Variants in ALOX15 observed in about 807,000 individuals in gnomAD.
ALOX15 encodes the protein polyunsaturated fatty acid lipoxygenase ALOX15.
In ALOX15, 68 loss-of-function variants were observed where a neutral mutation model predicts 71.7. The observed-to-expected ratio is 0.95, with a 90% confidence interval of 0.78 to 1.16. The LOEUF (loss-of-function observed/expected upper bound fraction) is 1.16. ALOX15 is among the 50% of genes most tolerant of loss of function. The pLI, the probability that ALOX15 is intolerant of heterozygous loss-of-function variation, is 0.00. For synonymous variants in ALOX15, 346 were observed against 333.3 expected (o/e 1.04, Z -0.42); for missense variants, 798 against 818.8 (o/e 0.97, Z 0.31).
rs1169890333 is a variant in ALOX15, at chr17:4,635,788, A to G, written c.1132T>C (p.Cys378Arg). Residue 378 changes from cysteine (C) to arginine (R), a missense_variant, in exon 8 of 14, where the codon TGC becomes CGC. Cys to Arg is a radical substitution (Grantham distance 180, BLOSUM62 -3). This residue lies in a region of ALOX15 where 490 missense variants were observed against 509.4 expected (regional missense o/e 0.96). Coordinates refer to ENST00000293761, the MANE Select transcript of ALOX15 (RefSeq NM_001140.5). ...AAGATAGGATGTATCGACGGCAGGC[A>G]CCTCATGGTGGCCACAACAATGACC... is the stretch of plus-strand genomic sequence containing the variant. The part of the protein sequence containing the change: ...AEVIVVATMR[C>R]LPSIHPIFKL... 1 of 1,614,082 alleles carries G rather than the reference A, an allele frequency of 6.2e-7. No homozygotes were observed. Among genetic ancestry groups the G allele is most frequent in the African/African-American group, 1.3e-5 (1 of 74,940 alleles).
intron 2 of ALOX15, 90 bp from the exon 3 acceptor site, chr17:4,639,222 G>T: frequency 6.6e-7 from 1 of 1,521,154 alleles, no homozygotes; most frequent in Non-Finnish European, 9.1e-7. Context: ...CCGTCCTTCT[G>T]TGTGGCCTCT....
intron 8 of ALOX15, among the ~76,000 whole-genome samples, chr17:4,633,979 T>C (rs1911005421): frequency 1.3e-5 from 2 of 152,126 alleles, no homozygotes; most frequent in Admixed American, 6.5e-5. Context: ...GAGCTAAACA[T>C]TGAGTACACA....
chr17:4,633,810 G>A (rs1910999855), intron 8 of ALOX15, among the ~76,000 whole-genome samples: 1 of 152,180 alleles, frequency 6.6e-6, no homozygotes, highest in South Asian at 2.1e-4. Flanking sequence ...ACCAGGTAAA[G>A]AAAATGTGGT....
In ALOX15 at chr17:4,639,088, G is replaced by A. The variant is rs764322437; in HGVS notation, c.382C>T (p.Arg128Trp). The change falls in exon 3 of 14, where the codon CGG becomes TGG. Residue 128 changes from arginine to tryptophan, a missense_variant. Transcript: ENST00000293761. ...EDPQGLFQKH[R>W]EEELEERRKL... ...CTTCTCTCTTCCAGCTCTTCTTCCC[G>A]GTGTTTCTGGAACAGGCCCTGAGGG... 1.9e-6 allele frequency: 3 copies of A among 1,614,146 alleles called. No homozygotes were observed. The highest frequency in any genetic ancestry group is 2.2e-5 in the East Asian group (1 of 44,876).
intron 11 of ALOX15, 77 bp from the exon 12 acceptor site, chr17:4,632,358 G>A: frequency 2.5e-6 from 3 of 1,182,476 alleles, no homozygotes; most frequent in Non-Finnish European, 2.5e-6. Context: ...CAAGAGAGGA[G>A]AACAAGGGCG....
At chr17:4,632,317 CAGG>C in intron 11 of ALOX15, 36 bp from the exon 12 acceptor site, 2 of 1,568,528 alleles carry the variant, frequency 1.3e-6, no homozygotes, top group Non-Finnish European at 1.8e-6. Context: ...GCTGCGAAGG[CAGG>C]AGTAGGGCAG....
intron 7 of ALOX15, 102 bp from the exon 8 acceptor site, chr17:4,636,070 G>T: frequency 1.6e-6 from 2 of 1,272,290 alleles, no homozygotes; most frequent in Non-Finnish European, 2.2e-6. Flanking sequence ...CTCCAAACCT[G>T]TTCTGCTTTC....
chr17:4,641,456 G>A (rs1187611813), intron 1 of ALOX15, 61 bp downstream of exon 1: 9 of 1,571,700 alleles, frequency 5.7e-6, no homozygotes, highest in East Asian at 2.3e-5. Context: ...TGTCCTCCCC[G>A]GTATTTGACT....
At chr17:4,631,863 T>TAG in intron 13 of ALOX15, 26 bp downstream of exon 13, 1 of 1,607,696 alleles carries the variant, frequency 6.2e-7, no homozygotes, top group Non-Finnish European at 8.5e-7. Flanking sequence ...CCTCCTTCCT[T>TAG]AGGGCCCTGG....
rs985242160 is a variant in ALOX15, at chr17:4,641,523, CCGTG to C, written c.125_128del (p.Ala42GlyfsTer21). 3.8e-5 allele frequency: 61 copies of C among 1,612,876 alleles called. No individual in the cohort carries two copies. The highest frequency in any genetic ancestry group is 1.7e-4 in the Middle Eastern group (1 of 6,038). On this transcript the variant is annotated frameshift_variant, in exon 1 of 14. Transcript: ENST00000293761. LOFTEE classifies it high-confidence loss of function. ...CCGGCTCTGGGGAGCTCACCTTGCCCCGTGCGGGCCACAGTCGCTTCCCGAGCGC... is the reference window on the plus strand; with the variant it reads ...CCGGCTCTGGGGAGCTCACCTTGCCCCGGGCCACAGTCGCTTCCCGAGCGC...
chr17:4,641,066 C>G (rs1911308172), intron 1 of ALOX15, among the ~76,000 whole-genome samples: 2 of 149,850 alleles, frequency 1.3e-5, no homozygotes, highest in East Asian at 2.1e-4. Context: ...GGAGGTGGGT[C>G]GGGAAATCGA....
At chr17:4,639,974 A>ACCCCCCCCCCCCCCCC (rs56188609) in intron 1 of ALOX15, 2 of 111,884 alleles carry the variant, frequency 1.8e-5, no homozygotes, top group Non-Finnish European at 1.5e-5. Context: ...CCGCTGTGCG[A>ACCCCCCCCCCCCCCCC]CCCCCCACCC....
At chr17:4,639,970 T>C in intron 1 of ALOX15, 1 of 139,830 alleles carries the variant, frequency 7.2e-6, no homozygotes, top group Non-Finnish European at 1.2e-5. Flanking sequence ...ATTCCCGCTG[T>C]GCGACCCCCC....
At chr17:4,632,613 T>C (rs1910952147) in intron 11 of ALOX15, among the ~76,000 whole-genome samples, 1 of 152,146 alleles carries the variant, frequency 6.6e-6, no homozygotes, top group Admixed American at 6.5e-5. Context: ...ATCAGGACGG[T>C]TCTTCCCGAG....
Position 4,638,979 on chromosome 17 carries a change from G to C in ALOX15, c.420-7C>G, listed in dbSNP as rs749371468. The C allele has an allele frequency of 6.2e-7, 1 of 1,614,210 alleles. No individual in the cohort carries two copies. The highest frequency in any genetic ancestry group is 1.1e-5 in the South Asian group (1 of 91,078). On this transcript the variant is annotated splice_region_variant and splice_polypyrimidine_tract_variant and intron_variant, in intron 3 of 13. Transcript: ENST00000293761. ...GTCCTTCCAGTTTCCCCACCTGTGG[G>C]GCAGGAAGGAAATCAAGTATGGGTG...
intron 8 of ALOX15, among the ~76,000 whole-genome samples, chr17:4,635,018 C>T (rs1279860705): frequency 2.6e-5 from 4 of 151,620 alleles, no homozygotes; most frequent in Non-Finnish European, 5.9e-5. Flanking sequence ...ATCTTCATCC[C>T]TTGGGGGACA....
intron 13 of ALOX15, 35 bp from the exon 14 acceptor site, chr17:4,631,814 A>G (rs775161253): frequency 6.2e-7 from 1 of 1,612,376 alleles, no homozygotes. Context: ...TGAGAGCCTT[A>G]TGACCCCCAG....
chr17:4,641,614 G>C lies in ALOX15; in HGVS notation c.38C>G (p.Ser13Trp), dbSNP rs751919468. ...CTGGTTGTTGGAACCGGCATAGAGC[G>C]AGGCCCCAGTGGACACGCGGATGCG... ...LYRIRVSTGA[S>W]LYAGSNNQVQ... The change falls in exon 1 of 14, where the codon TCG becomes TGG. Residue 13 changes from serine to tryptophan, a missense_variant. Ser to Trp is a radical substitution (Grantham distance 177). Coordinates refer to ENST00000293761, the MANE Select transcript of ALOX15 (RefSeq NM_001140.5). 6 of 1,613,796 alleles carry C rather than the reference G, an allele frequency of 3.7e-6. No homozygotes were observed. Among genetic ancestry groups the C allele is most frequent in the Admixed American group, 3.3e-5 (2 of 60,010 alleles).
In ALOX15 at chr17:4,632,208, G is replaced by C. The variant is rs377406445; in HGVS notation, c.1614C>G (p.Gly538=). 1.2e-4 allele frequency: 200 copies of C among 1,614,102 alleles called. No homozygotes were observed. The highest frequency in any genetic ancestry group is 1.7e-4 in the Non-Finnish European group (195 of 1,180,054). The change falls in exon 12 of 14, where the codon GGC becomes GGG. Residue 538 remains glycine, a synonymous_variant. Transcript: ENST00000293761. ...FVTMCIFTCT[G]QHASVHLGQL... is the part of the protein sequence containing the mutation. ...GGCCCAGGTGCACAGAGGCGTGTTGGCCGGTGCAGGTGAAGATACACATGG... is the reference window on the plus strand; with the variant it reads ...GGCCCAGGTGCACAGAGGCGTGTTGCCCGGTGCAGGTGAAGATACACATGG...
Sources: gnomAD v4.1 joint callset for allele counts (sites outside exome capture counted in the v4.1 genomes callset) on GRCh38, gnomAD v4.1.1 for gene constraint, gnomAD v4.1.1 regional missense constraint, MANE v1.5 for transcripts, NCBI Gene and HGNC (gene_info 2026-07-23, HGNC 2026-07-21) for gene names.